AUTS2: variants seen among roughly 807,000 people sequenced by gnomAD.
AUTS2 encodes the protein autism susceptibility gene 2 protein.
Under a neutral mutation model 112.4 loss-of-function variants are expected in AUTS2, and 17 were observed. The observed-to-expected ratio is 0.15, with a 90% CI of 0.10 to 0.23. The LOEUF (loss-of-function observed/expected upper bound fraction) is 0.23, where lower values mean the gene tolerates loss of function less well. AUTS2 is among the 10% of genes least tolerant of loss of function. The probability of loss-of-function intolerance (pLI) is 1.00; values close to 1 mark genes in which losing one functional copy is unlikely to be tolerated. For synonymous variants in AUTS2, 751 were observed against 702.7 expected (o/e 1.07, Z -1.09); for missense variants, 1,510 against 1,701.6 (o/e 0.89, Z 1.98).
At chr7:70,220,576 A>G (rs901642175) in intron 4 of AUTS2, among the ~76,000 whole-genome samples, 15 of 152,198 alleles carry the variant, frequency 9.9e-5, no homozygotes, top group African/African-American at 3.6e-4. Flanking sequence ...TTTAAGAGAG[A>G]GGGAAGTCAC....
intron 4 of AUTS2, among the ~76,000 whole-genome samples, chr7:70,419,712 A>G (rs1485542803): frequency 6.6e-6 from 1 of 152,218 alleles, no homozygotes; most frequent in Non-Finnish European, 1.5e-5. Context: ...TATTTTCCAA[A>G]TAGAAATTGA....
At chr7:70,090,056 TAATA>T (rs1369473326) in intron 2 of AUTS2, among the ~76,000 whole-genome samples, 4 of 147,240 alleles carry the variant, frequency 2.7e-5, no homozygotes, top group Non-Finnish European at 6.0e-5. Flanking sequence ...TTAAAAATAA[TAATA>T]AAATAAAATA....
At chr7:70,702,542 T>G (rs1350824663) in intron 6 of AUTS2, among the ~76,000 whole-genome samples, 1 of 152,236 alleles carries the variant, frequency 6.6e-6, no homozygotes, top group Admixed American at 6.5e-5. Context: ...AAAAGCCTCC[T>G]GAGTGAGCCA....
intron 2 of AUTS2, among the ~76,000 whole-genome samples, chr7:69,959,012 T>TTTTGCATTACTAATAGGAG: frequency 6.6e-6 from 1 of 152,296 alleles, no homozygotes; most frequent in South Asian, 2.1e-4. Context: ...CAAAAGGAAA[T>TTTTGCATTACTAATAGGAG]ACTTTCTGGT....
At chr7:70,689,804 C>G (rs548134063) in intron 5 of AUTS2, among the ~76,000 whole-genome samples, 1 of 147,426 alleles carries the variant, frequency 6.8e-6, no homozygotes, top group Non-Finnish European at 1.5e-5. Context: ...AAAAAGATGT[C>G]GTTCCCTAGT....
At chr7:69,984,161 T>C (rs1039599953) in intron 2 of AUTS2, among the ~76,000 whole-genome samples, 5 of 152,190 alleles carry the variant, frequency 3.3e-5, no homozygotes, top group African/African-American at 9.7e-5. Flanking sequence ...CTCACGCTTG[T>C]AATCCCAGCA....
chr7:70,486,003 A>AG (rs879512858), intron 5 of AUTS2, among the ~76,000 whole-genome samples: 7 of 144,000 alleles, frequency 4.9e-5, no homozygotes, highest in Non-Finnish European at 1.1e-4. Context: ...TAAATAAATA[A>AG]TAAATAAATA....
chr7:70,792,363 T>G lies in AUTS2; in HGVS notation c.*1367T>G, dbSNP rs1792023411. 6.6e-6 allele frequency: 1 copy of G among 152,560 alleles called. No individual in the cohort carries two copies. The allele number at this position is 152,560 out of a possible 1,614,324, so 9.5% of individuals were successfully genotyped here. On this transcript the variant is annotated 3_prime_UTR_variant, in exon 19 of 19. Transcript: ENST00000342771. ...TACATATTTGGAGAGAATATGACTT[T>G]ACTAGCAGAGAAATACAATATATCT...
intron 2 of AUTS2, among the ~76,000 whole-genome samples, chr7:70,046,672 A>G (rs542527835): frequency 6.6e-6 from 1 of 152,344 alleles, no homozygotes; most frequent in South Asian, 2.1e-4. Flanking sequence ...TAAAACTTGT[A>G]GTAATTGTCG....
intron 1 of AUTS2, among the ~76,000 whole-genome samples, chr7:69,861,173 G>T (rs1340314623): frequency 6.6e-6 from 1 of 152,050 alleles, no homozygotes; most frequent in Non-Finnish European, 1.5e-5. Flanking sequence ...GTAGGAGGGG[G>T]TGGGAAGTAA....
At chr7:70,515,565 A>G (rs1406697958) in intron 5 of AUTS2, among the ~76,000 whole-genome samples, 1 of 152,082 alleles carries the variant, frequency 6.6e-6, no homozygotes, top group Admixed American at 6.6e-5. Flanking sequence ...TGTTGGGTCT[A>G]TGATGTCCAG....
intron 1 of AUTS2, among the ~76,000 whole-genome samples, chr7:69,829,569 G>A (rs976012374): frequency 1.3e-5 from 2 of 152,100 alleles, no homozygotes; most frequent in Admixed American, 6.5e-5. Flanking sequence ...CAAAAAGTGG[G>A]CAGAGGGTAT....
intron 14 of AUTS2, among the ~76,000 whole-genome samples, chr7:70,778,813 T>G (rs1014011987): frequency 6.6e-6 from 1 of 152,336 alleles, no homozygotes; most frequent in Admixed American, 6.5e-5. Flanking sequence ...TGATGATTAG[T>G]TCAATTCAGT....
chr7:70,230,942 C>T (rs1463761426), intron 4 of AUTS2, among the ~76,000 whole-genome samples: 3 of 152,198 alleles, frequency 2.0e-5, no homozygotes, highest in Admixed American at 6.5e-5. Context: ...ACACCCACCC[C>T]GACAGCACTT....
chr7:70,468,748 G>A (rs1037470888), intron 5 of AUTS2, among the ~76,000 whole-genome samples: 7 of 152,080 alleles, frequency 4.6e-5, no homozygotes, highest in East Asian at 1.9e-4. Context: ...TCAAAGAGTC[G>A]GGTCACTAAG....
intron 2 of AUTS2, among the ~76,000 whole-genome samples, chr7:69,922,691 C>T (rs186423972): frequency 5.3e-5 from 8 of 152,250 alleles, no homozygotes; most frequent in East Asian, 1.9e-4. Context: ...TTACACATTT[C>T]GACACTTCTT....
chr7:70,533,612 C>T (rs879738165), intron 5 of AUTS2, among the ~76,000 whole-genome samples: 9 of 152,178 alleles, frequency 5.9e-5, no homozygotes, highest in Non-Finnish European at 1.2e-4. Flanking sequence ...GGAACTAGCT[C>T]GTGTTTAATG....
intron 6 of AUTS2, among the ~76,000 whole-genome samples, chr7:70,706,261 G>T (rs905056888): frequency 6.6e-6 from 1 of 152,178 alleles, no homozygotes; most frequent in South Asian, 2.1e-4. Flanking sequence ...AGTCCCCATC[G>T]TGGTTATTCG....
At chr7:69,604,502 T>C (rs1644521373) in intron 1 of AUTS2, among the ~76,000 whole-genome samples, 2 of 152,344 alleles carry the variant, frequency 1.3e-5, no homozygotes, top group South Asian at 2.1e-4. Context: ...CTAAGCGCCA[T>C]AGGCTTTTAG....
Sources: gnomAD v4.1 joint callset for allele counts (sites outside exome capture counted in the v4.1 genomes callset) on GRCh38, gnomAD v4.1.1 for gene constraint, MANE v1.5 for transcripts, NCBI Gene and HGNC (gene_info 2026-07-23, HGNC 2026-07-21) for gene names.